Variants in LSM14A observed in about 807,000 individuals in gnomAD.
The protein encoded by LSM14A is LSM14A mRNA processing body assembly factor, also known as protein LSM14 homolog A.
Under a neutral mutation model 52.4 loss-of-function variants are expected in LSM14A, and 14 were observed. That is an observed-to-expected ratio of 0.27 (90% CI 0.18 to 0.42). The LOEUF is 0.42. Ranked by LOEUF, LSM14A falls within the 10% of genes least tolerant of loss-of-function variation. LSM14A has a pLI of 1.00. For synonymous variants in LSM14A, 185 were observed against 200.3 expected, an observed-to-expected ratio of 0.92 and a Z score of 0.64; for missense variants, 417 against 581.8, an observed-to-expected ratio of 0.72 and a Z score of 2.91.
intron 1 of LSM14A, among the ~76,000 whole-genome samples, chr19:34,192,123 G>C (rs1461303029): frequency 6.6e-6 from 1 of 151,902 alleles, no homozygotes; most frequent in Non-Finnish European, 1.5e-5. Flanking sequence ...AAATTTCGTG[G>C]TATGAGTTTG....
rs546536174 is a variant in LSM14A, at chr19:34,217,432, G to A, written c.781+1771G>A. 2.4e-4 allele frequency among the ~76,000 whole-genome samples: 36 copies of A among 150,784 alleles called. No individual in the cohort carries two copies. In the South Asian group the frequency reaches 7.3e-3, roughly 31 times the overall value. On this transcript the variant is annotated intron_variant, in intron 6 of 9. Transcript: ENST00000544216. The stretch of plus-strand genomic sequence containing the variant: ...TATTAATATTTTCAAATTTATTAAT[G>A]GAAAATAAATTATAATTTTACAACT...
At chr19:34,192,319 G>GTT (rs71165632) in intron 1 of LSM14A, among the ~76,000 whole-genome samples, 12,670 of 52,852 alleles carry the variant, frequency 0.24, 2,091 homozygotes, top group Non-Finnish European at 0.3. Context: ...TCTTTTTGTT[G>GTT]TTTTTTTTTT....
chr19:34,219,763 G>A lies in LSM14A; in HGVS notation c.1022G>A (p.Gly341Glu). 1 of 1,613,934 alleles carries A rather than the reference G, an allele frequency of 6.2e-7. No individual in the cohort carries two copies. The highest frequency in any genetic ancestry group is 2.2e-5 in the East Asian group (1 of 44,866). The change falls in exon 8 of 10, where the codon GGA (glycine) becomes GAA (glutamate). Residue 341 changes from glycine to glutamate, a missense_variant. Around this residue, in one of 2 missense-constraint regions of LSM14A, gnomAD observed 357 missense variants for 457.0 expected, o/e 0.78. Coordinates refer to ENST00000544216, the MANE Select transcript of LSM14A (RefSeq NM_015578.4). ...PVNGEDKGDS[G>E]VDTQNSEGNA... ...AATGGTGAAGATAAAGGAGACTCAG[G>A]AGTTGATACCCAAAACAGTGAAGGA...
At chr19:34,224,434 G>A (rs908325981) in intron 9 of LSM14A, among the ~76,000 whole-genome samples, 2 of 152,174 alleles carry the variant, frequency 1.3e-5, no homozygotes, top group African/African-American at 4.8e-5. Context: ...TTATCATTTT[G>A]AGCCTTTTGT....
intron 4 of LSM14A, among the ~76,000 whole-genome samples, chr19:34,212,073 T>G (rs912611173): frequency 3.3e-5 from 5 of 152,086 alleles, no homozygotes; most frequent in African/African-American, 9.7e-5. Context: ...TTATCCTGGG[T>G]GCAGTGGTTC....
chr19:34,223,933 T>C (rs1418576953), intron 9 of LSM14A, among the ~76,000 whole-genome samples: 1 of 152,140 alleles, frequency 6.6e-6, no homozygotes, highest in East Asian at 1.9e-4. Flanking sequence ...ATCTGAGAGG[T>C]CTGACCTGGT....
At chr19:34,177,110 C>T (rs959841951) in intron 1 of LSM14A, among the ~76,000 whole-genome samples, 2 of 152,040 alleles carry the variant, frequency 1.3e-5, no homozygotes, top group African/African-American at 4.8e-5. Context: ...AATCGAAACA[C>T]GTCTTTTTCT....
chr19:34,185,199 G>T lies in LSM14A; in HGVS notation c.122-9279G>T, dbSNP rs963747852. On this transcript the variant is annotated intron_variant, in intron 1 of 9. Coordinates refer to ENST00000544216, the MANE Select transcript of LSM14A (RefSeq NM_015578.4). ...ATTTTGAGAATATATTGCAGAAGGT[G>T]CAAGGAACGTCATCTGGGTTATGAC... Among the ~76,000 whole-genome samples the T allele has an allele frequency of 3.3e-5, 5 of 152,188 alleles. No homozygotes were observed. The East Asian group carries it at 9.6e-4, about 29-fold the overall frequency.
intron 3 of LSM14A, among the ~76,000 whole-genome samples, chr19:34,199,210 C>T (rs1029020672): frequency 1.2e-4 from 18 of 152,160 alleles, no homozygotes; most frequent in South Asian, 8.3e-4. Flanking sequence ...TTGCAACCTC[C>T]GCCTCCCAGG....
At chr19:34,194,759 C>T in intron 2 of LSM14A, 118 bp downstream of exon 2, 1 of 868,640 alleles carries the variant, frequency 1.2e-6, no homozygotes, top group Non-Finnish European at 1.9e-6. Flanking sequence ...ACTGGGATAC[C>T]TGAAATTACT....
chr19:34,173,999 A>T (rs992866423), intron 1 of LSM14A, among the ~76,000 whole-genome samples: 12 of 151,990 alleles, frequency 7.9e-5, no homozygotes, highest in African/African-American at 2.9e-4. Flanking sequence ...CTCAGGCTGG[A>T]GTGCAAAGGC....
intron 9 of LSM14A, 28 bp downstream of exon 9, chr19:34,221,766 G>A: frequency 6.3e-7 from 1 of 1,583,388 alleles, no homozygotes; most frequent in Non-Finnish European, 8.6e-7. Flanking sequence ...TAAATTCTTT[G>A]GGGTTGACAT....
chr19:34,191,643 T>A (rs773202031), intron 1 of LSM14A, among the ~76,000 whole-genome samples: 1 of 152,166 alleles, frequency 6.6e-6, no homozygotes, highest in Admixed American at 6.5e-5. Context: ...ATGCAGATTC[T>A]CTTTTTACTT....
chr19:34,175,902 C>T (rs937709603), intron 1 of LSM14A, among the ~76,000 whole-genome samples: 3 of 152,112 alleles, frequency 2.0e-5, no homozygotes, highest in Admixed American at 1.3e-4. Context: ...CTTGCCCAGG[C>T]TGGAGTGCAG....
At chr19:34,226,310 A>C in intron 9 of LSM14A, 1 of 1,169,848 alleles carries the variant, frequency 8.5e-7, no homozygotes, top group Non-Finnish European at 1.2e-6. Context: ...GACTCAGCAT[A>C]ATGCTCTCTC....
intron 4 of LSM14A, among the ~76,000 whole-genome samples, chr19:34,210,013 C>T (rs918849116): frequency 2.0e-5 from 3 of 152,116 alleles, no homozygotes; most frequent in East Asian, 1.9e-4. Flanking sequence ...CCACCATGCT[C>T]GGCTTTTCCT....
At chr19:34,185,301 T>A (rs1041780894) in intron 1 of LSM14A, among the ~76,000 whole-genome samples, 2 of 152,210 alleles carry the variant, frequency 1.3e-5, no homozygotes, top group African/African-American at 4.8e-5. Flanking sequence ...TCGAGAATAT[T>A]GCAGACACAA....
chr19:34,216,041 G>C (rs1204335341), intron 6 of LSM14A, among the ~76,000 whole-genome samples: 1 of 151,968 alleles, frequency 6.6e-6, no homozygotes, highest in Non-Finnish European at 1.5e-5. Context: ...TTGGGTGATG[G>C]GCACAAGGGA....
intron 1 of LSM14A, among the ~76,000 whole-genome samples, chr19:34,192,153 G>A (rs1165060024): frequency 6.6e-6 from 1 of 151,914 alleles, no homozygotes; most frequent in African/African-American, 2.4e-5. Flanking sequence ...CATGATTTTA[G>A]GGATATTTTA....
Sources: gnomAD v4.1 joint callset for allele counts (sites outside exome capture counted in the v4.1 genomes callset) on GRCh38, gnomAD v4.1.1 for gene constraint, gnomAD v4.1.1 regional missense constraint, MANE v1.5 for transcripts, NCBI Gene and HGNC (gene_info 2026-07-23, HGNC 2026-07-21) for gene names.